Variants in ODAD2 observed in about 807,000 individuals in gnomAD.
ODAD2 encodes the protein outer dynein arm docking complex subunit 2.
ODAD2 carries 89 observed loss-of-function variants against 106.8 expected under a neutral mutation model. That is an observed-to-expected ratio of 0.83 (90% CI 0.70 to 0.99). The LOEUF (loss-of-function observed/expected upper bound fraction) is 0.99. Among genes scored for constraint, ODAD2 ranks in the 50% least tolerant of loss-of-function variants. The probability of loss-of-function intolerance (pLI) is 0.00; values close to 1 mark genes in which losing one functional copy is unlikely to be tolerated. For missense variants in ODAD2, 1,168 were observed against 1,238.5 expected (o/e 0.94, Z 0.85); for synonymous variants, 404 against 436.2 (o/e 0.93, Z 0.92).
At chr10:27,981,350 C>G (rs1001579223) in intron 7 of ODAD2, 116 bp downstream of exon 7, 1 of 913,824 alleles carries the variant, frequency 1.1e-6, no homozygotes, top group African/African-American at 1.8e-5. Flanking sequence ...AAAAAAAAAC[C>G]ACTAATAATA....
intron 19 of ODAD2, among the ~76,000 whole-genome samples, chr10:27,858,750 C>T (rs560372608): frequency 6.6e-6 from 1 of 151,504 alleles, no homozygotes; most frequent in South Asian, 2.1e-4. Flanking sequence ...TTGCGAGTTG[C>T]ATATACACCA....
intron 16 of ODAD2, among the ~76,000 whole-genome samples, chr10:27,924,231 T>C (rs1393018875): frequency 2.0e-5 from 3 of 150,998 alleles, no homozygotes; most frequent in African/African-American, 4.9e-5. Flanking sequence ...AGTAAAATTC[T>C]CTGTGTAGTT....
At chr10:27,906,868 T>C (rs1448931708) in intron 17 of ODAD2, among the ~76,000 whole-genome samples, 1 of 150,784 alleles carries the variant, frequency 6.6e-6, no homozygotes, top group Non-Finnish European at 1.5e-5. Flanking sequence ...TGTCAGGGGG[T>C]GCGGGACTAG....
intron 19 of ODAD2, among the ~76,000 whole-genome samples, chr10:27,833,916 T>C (rs1837666340): frequency 1.3e-5 from 2 of 152,198 alleles, no homozygotes; most frequent in African/African-American, 4.8e-5. Context: ...CAAAGCACTG[T>C]GTAACATGGG....
intron 16 of ODAD2, among the ~76,000 whole-genome samples, chr10:27,912,692 T>C (rs1844092447): frequency 6.6e-6 from 1 of 152,228 alleles, no homozygotes; most frequent in East Asian, 1.9e-4. Context: ...AATACCATTG[T>C]ATGACAGTGG....
At chr10:27,949,342 T>C (rs1044473467) in intron 10 of ODAD2, among the ~76,000 whole-genome samples, 3 of 152,084 alleles carry the variant, frequency 2.0e-5, no homozygotes, top group African/African-American at 2.4e-5. Context: ...AAACAGAAAC[T>C]ATAAATCTGA....
chr10:27,871,811 T>C (rs1425456293), intron 17 of ODAD2, among the ~76,000 whole-genome samples: 1 of 152,222 alleles, frequency 6.6e-6, no homozygotes, highest in African/African-American at 2.4e-5. Context: ...CTGTGTTCTT[T>C]GGACTTAGGA....
At chr10:27,829,743 T>G (rs1280013614) in intron 19 of ODAD2, among the ~76,000 whole-genome samples, 2 of 152,194 alleles carry the variant, frequency 1.3e-5, no homozygotes, top group African/African-American at 4.8e-5. Context: ...AAATGATGCT[T>G]TTCAATTTCA....
intron 19 of ODAD2, among the ~76,000 whole-genome samples, chr10:27,844,720 G>A (rs1056943445): frequency 6.6e-6 from 1 of 152,152 alleles, no homozygotes; most frequent in Non-Finnish European, 1.5e-5. Flanking sequence ...TAAATGTCTG[G>A]CACACAGGAA....
chr10:27,956,483 G>T (rs542005526), intron 10 of ODAD2, among the ~76,000 whole-genome samples: 1 of 152,278 alleles, frequency 6.6e-6, no homozygotes, highest in South Asian at 2.1e-4. Context: ...ATCCAACTGT[G>T]CTTGCCAATA....
intron 7 of ODAD2, among the ~76,000 whole-genome samples, chr10:27,974,831 A>G (rs1849091123): frequency 6.6e-6 from 1 of 152,080 alleles, no homozygotes; most frequent in Admixed American, 6.6e-5. Context: ...TGCTTTGGGC[A>G]GTATGGCCAT....
intron 19 of ODAD2, among the ~76,000 whole-genome samples, chr10:27,835,410 TAAC>T (rs1291693896): frequency 2.0e-5 from 3 of 152,164 alleles, no homozygotes; most frequent in Non-Finnish European, 4.4e-5. Flanking sequence ...TCTACTCCTA[TAAC>T]AACAACAACC....
intron 19 of ODAD2, among the ~76,000 whole-genome samples, chr10:27,824,469 T>C (rs893468875): frequency 3.9e-5 from 6 of 152,206 alleles, no homozygotes; most frequent in African/African-American, 1.4e-4. Flanking sequence ...CCTTCTGCCA[T>C]GGAATGACCC....
At chr10:27,998,592 C>G (rs1213507524) in intron 1 of ODAD2, among the ~76,000 whole-genome samples, 1 of 151,256 alleles carries the variant, frequency 6.6e-6, no homozygotes, top group Non-Finnish European at 1.5e-5. Flanking sequence ...GGTCCCCAAC[C>G]TAGGGCCGAG....
intron 17 of ODAD2, among the ~76,000 whole-genome samples, chr10:27,885,297 A>G (rs3897931): frequency 0.61 from 91,209 of 149,240 alleles, 28,099 homozygotes; most frequent in Middle Eastern, 0.72. Flanking sequence ...AGATCACGAG[A>G]TCAAGAGATC....
chr10:27,857,154 A>G (rs1440050635), intron 19 of ODAD2, among the ~76,000 whole-genome samples: 3 of 152,228 alleles, frequency 2.0e-5, no homozygotes, highest in African/African-American at 2.4e-5. Context: ...GACCAACTCA[A>G]CTTCTTCCTC....
At chr10:27,933,407 G>C (rs2045549413) in intron 16 of ODAD2, among the ~76,000 whole-genome samples, 1 of 152,164 alleles carries the variant, frequency 6.6e-6, no homozygotes, top group African/African-American at 2.4e-5. Context: ...TTAGCATTGA[G>C]AAGTCACTGA....
intron 16 of ODAD2, among the ~76,000 whole-genome samples, chr10:27,922,583 T>C (rs1441700842): frequency 1.3e-5 from 2 of 151,888 alleles, no homozygotes; most frequent in African/African-American, 2.4e-5. Flanking sequence ...AGATGAGAAT[T>C]AAAAGAAACC....
At chr10:27,965,587 T>A (rs1848440776) in intron 9 of ODAD2, among the ~76,000 whole-genome samples, 1 of 152,056 alleles carries the variant, frequency 6.6e-6, no homozygotes, top group Admixed American at 6.6e-5. Flanking sequence ...TGTCCATGGG[T>A]AAGAGGAACC....
Sources: allele counts gnomAD v4.1 joint callset (sites outside exome capture counted in the v4.1 genomes callset), GRCh38; gene constraint gnomAD v4.1.1; transcripts MANE v1.5; gene names NCBI Gene and HGNC (gene_info 2026-07-23, HGNC 2026-07-21).